EXT1: variants seen among roughly 807,000 people sequenced by gnomAD.
The protein encoded by EXT1 is exostosin-1.
Under a neutral mutation model 82.5 loss-of-function variants are expected in EXT1, and 20 were observed. That is an observed-to-expected ratio of 0.24 (90% confidence interval 0.17 to 0.35). EXT1 has a LOEUF of 0.35. EXT1 is among the 10% of genes least tolerant of loss of function. The pLI is 1.00. For missense variants in EXT1, 757 were observed against 936.5 expected, an observed-to-expected ratio of 0.81 and a Z score of 2.50; for synonymous variants, 348 against 350.8, an observed-to-expected ratio of 0.99 and a Z score of 0.09.
At chr8:117,854,756 T>A (rs544136409) in intron 1 of EXT1, among the ~76,000 whole-genome samples, 1 of 152,344 alleles carries the variant, frequency 6.6e-6, no homozygotes, top group African/African-American at 2.4e-5. Flanking sequence ...TGGTCCCATT[T>A]CACAGCTGCA....
chr8:117,858,810 C>CAGGAAGGA (rs71307408), intron 1 of EXT1, among the ~76,000 whole-genome samples: 11 of 34,340 alleles, frequency 3.2e-4, no homozygotes, highest in African/African-American at 9.4e-4. Context: ...CAAGGCAAGG[C>CAGGAAGGA]AGGAAGGAAG....
chr8:118,009,208 G>A (rs968830038), intron 1 of EXT1, among the ~76,000 whole-genome samples: 3 of 152,220 alleles, frequency 2.0e-5, no homozygotes, highest in South Asian at 2.1e-4. Context: ...CACTGGGAAT[G>A]TGAGCACGCC....
At chr8:117,897,625 C>T (rs1018725045) in intron 1 of EXT1, among the ~76,000 whole-genome samples, 10 of 109,532 alleles carry the variant, frequency 9.1e-5, no homozygotes, top group Admixed American at 4.7e-4. Flanking sequence ...GACAGAGTCT[C>T]GCTCTGTCGA....
At chr8:117,974,480 T>C (rs1815026282) in intron 1 of EXT1, among the ~76,000 whole-genome samples, 1 of 152,300 alleles carries the variant, frequency 6.6e-6, no homozygotes, top group East Asian at 1.9e-4. Context: ...GAATTTTTGT[T>C]TGTCTGAGAC....
In EXT1 at chr8:117,830,329, A is replaced by T. The variant is rs778933988; in HGVS notation, c.1185T>A (p.Ser395=). 6.2e-7 allele frequency: 1 copy of T among 1,614,122 alleles called. No individual in the cohort carries two copies. Among genetic ancestry groups the T allele is most frequent in the South Asian group, 1.1e-5 (1 of 91,084 alleles). ...LLLQIPSTIR[S]IHQDKILALR... ...GTGCTAGGATTTTATCCTGATGAAT[A>T]GACCTGATTGTAGAAGGAATCTGTA... is the stretch of plus-strand genomic sequence containing the variant. Residue 395 remains serine (S), a synonymous_variant, in exon 4 of 11, where the codon TCT becomes TCA. Coordinates refer to ENST00000378204, the MANE Select transcript of EXT1 (RefSeq NM_000127.3).
intron 1 of EXT1, among the ~76,000 whole-genome samples, chr8:118,036,075 T>A (rs1488308760): frequency 6.7e-6 from 1 of 150,028 alleles, no homozygotes; most frequent in Non-Finnish European, 1.5e-5. Context: ...TCTCAGTCTT[T>A]TTTTTTTTTT....
chr8:118,088,347 A>G (rs575549991), intron 1 of EXT1, among the ~76,000 whole-genome samples: 2 of 152,176 alleles, frequency 1.3e-5, no homozygotes, highest in South Asian at 4.1e-4. Context: ...CCATTTGGCT[A>G]AAGCTGTTAA....
rs747288908 is a variant in EXT1 at position 118,110,935 on chromosome 8, C to G, written c.112G>C (p.Glu38Gln). Residue 38 changes from glutamate to glutamine, a missense_variant, in exon 1 of 11, where the codon GAA becomes CAA. Around this residue, in one of 4 missense-constraint regions of EXT1, gnomAD observed 175 missense variants for 159.0 expected, o/e 1.10. Transcript: ENST00000378204. ...FRASRSHSRR[E>Q]EHSGRNGLHH... is the part of the protein sequence containing the mutation. The stretch of plus-strand genomic sequence containing the variant: ...AAGCCATTCCTACCGCTGTGTTCTT[C>G]TCTCCGGCTGTGGCTCCTCGATGCC... The G allele has an allele frequency of 1.9e-6, 3 of 1,613,856 alleles. No individual in the cohort carries two copies. The Admixed American group carries it at 5.0e-5, about 27-fold the overall frequency.
At chr8:117,875,767 GA>G (rs1812958701) in intron 1 of EXT1, among the ~76,000 whole-genome samples, 1 of 152,048 alleles carries the variant, frequency 6.6e-6, no homozygotes, top group South Asian at 2.1e-4. Context: ...AAGAAAAGCT[GA>G]AAAAACATAG....
At chr8:117,871,461 T>G (rs919944162) in intron 1 of EXT1, among the ~76,000 whole-genome samples, 4 of 152,234 alleles carry the variant, frequency 2.6e-5, no homozygotes, top group African/African-American at 7.2e-5. Context: ...CCTAGAGATA[T>G]CTAAAATCTA....
chr8:117,834,086 C>T (rs1812145367), intron 3 of EXT1, among the ~76,000 whole-genome samples: 1 of 152,176 alleles, frequency 6.6e-6, no homozygotes, highest in South Asian at 2.1e-4. Flanking sequence ...CCCCCAAAAA[C>T]AGATTCTGTC....
At chr8:118,044,949 GC>G (rs1816598522) in intron 1 of EXT1, among the ~76,000 whole-genome samples, 1 of 152,158 alleles carries the variant, frequency 6.6e-6, no homozygotes, top group Non-Finnish European at 1.5e-5. Flanking sequence ...AAAACCTAAA[GC>G]ATTTACTATC....
intron 1 of EXT1, among the ~76,000 whole-genome samples, chr8:117,934,289 G>C (rs971313632): frequency 6.6e-6 from 1 of 152,158 alleles, no homozygotes; most frequent in African/African-American, 2.4e-5. Context: ...TTGCTTTCAG[G>C]AACAGCATGG....
At chr8:118,096,672 AAGGGAGGGAGGG>A (rs796920684) in intron 1 of EXT1, among the ~76,000 whole-genome samples, 3 of 90,624 alleles carry the variant, frequency 3.3e-5, no homozygotes, top group African/African-American at 1.8e-4. Flanking sequence ...GGAAGGAAGG[AAGGGAGGGAGGG>A]AGGGAGGGAA....
At chr8:118,010,144 G>A (rs551634438) in intron 1 of EXT1, among the ~76,000 whole-genome samples, 44 of 152,094 alleles carry the variant, frequency 2.9e-4, no homozygotes, top group South Asian at 8.3e-4. Flanking sequence ...AGGCAGAGGC[G>A]GGCGGATCAC....
At position 117,884,401 on chromosome 8, in the gene EXT1, AAAGTC is replaced by A. The variant is rs1383770124; in HGVS notation, c.963-47205_963-47201del. Among the ~76,000 whole-genome samples the A allele has an allele frequency of 4.6e-5, 7 of 152,168 alleles. No homozygotes were observed. The East Asian group carries it at 1.2e-3, about 25-fold the overall frequency. The stretch of plus-strand genomic sequence containing the variant: ...CCTACCTTCAGGCTGTCCAGCTGTT[AAAGTC>A]TGCAGCCACTTGGAGGTGCTGGAGG... On this transcript the variant is annotated intron_variant, in intron 1 of 10. Transcript: ENST00000378204.
chr8:118,040,191 C>A (rs914651210), intron 1 of EXT1, among the ~76,000 whole-genome samples: 6 of 152,024 alleles, frequency 3.9e-5, no homozygotes, highest in Admixed American at 3.9e-4. Context: ...AGCCTGCTGG[C>A]CTAATTACCA....
intron 1 of EXT1, among the ~76,000 whole-genome samples, chr8:117,884,100 T>C (rs544189614): frequency 1.3e-5 from 2 of 152,328 alleles, no homozygotes; most frequent in Admixed American, 6.5e-5. Flanking sequence ...GTGACTTTAA[T>C]TGAAAAATGG....
chr8:118,004,749 T>C (rs910569451), intron 1 of EXT1, among the ~76,000 whole-genome samples: 1 of 152,214 alleles, frequency 6.6e-6, no homozygotes, highest in African/African-American at 2.4e-5. Flanking sequence ...CATGCCTGGA[T>C]GCAATTAGTC....
Sources: allele counts gnomAD v4.1 joint callset (sites outside exome capture counted in the v4.1 genomes callset), GRCh38; gene constraint gnomAD v4.1.1; regional missense constraint gnomAD v4.1.1; transcripts MANE v1.5; gene names NCBI Gene and HGNC (gene_info 2026-07-23, HGNC 2026-07-21).